Variants in PNPLA7 observed in about 807,000 individuals in gnomAD.
The protein encoded by PNPLA7 is patatin like domain 7, lysophospholipase.
A neutral mutation model predicts 161.7 loss-of-function variants in PNPLA7; 153 were observed. That is an observed-to-expected ratio of 0.95 (90% confidence interval 0.83 to 1.08). The LOEUF (loss-of-function observed/expected upper bound fraction) is 1.08. PNPLA7 is among the 50% of genes least tolerant of loss of function. The probability of loss-of-function intolerance (pLI) is 0.00; values close to 1 mark genes in which losing one functional copy is unlikely to be tolerated. For missense variants in PNPLA7, 1,739 were observed against 1,856.6 expected, an observed-to-expected ratio of 0.94 and a Z score of 1.16; for synonymous variants, 809 against 782.1, an observed-to-expected ratio of 1.03 and a Z score of -0.57.
At chr9:137,521,026 G>A (rs913637885) in intron 10 of PNPLA7, among the ~76,000 whole-genome samples, 1 of 150,994 alleles carries the variant, frequency 6.6e-6, no homozygotes. Flanking sequence ...CCCATGGGAC[G>A]GGCATGGGGA....
chr9:137,515,586 C>CGGGGCCACGCAGGGAGCA, intron 11 of PNPLA7, 67 bp from the exon 12 acceptor site: 1 of 1,455,700 alleles, frequency 6.9e-7, no homozygotes, highest in East Asian at 2.5e-5. Context: ...GCAGCCCATT[C>CGGGGCCACGCAGGGAGCA]GGGGCCACGC....
chr9:137,478,139 T>C lies in PNPLA7; in HGVS notation c.2777A>G (p.Lys926Arg), dbSNP rs866488974. ...GTCCGGGGGCCGCTGGAAGACATGC[T>C]TGTACATCTCCACCTGGGGGAGGAG... Reference protein sequence around the residue: ...RSLPKLVEMYKHVFQRPPDRH... With the variant: ...RSLPKLVEMYRHVFQRPPDRH... The change falls in exon 25 of 35, where the codon AAG becomes AGG. Residue 926 changes from lysine (K) to arginine (R), a missense_variant. Coordinates refer to ENST00000406427, the MANE Select transcript of PNPLA7 (RefSeq NM_001098537.3). The C allele has an allele frequency of 3.0e-6, 4 of 1,331,018 alleles. No individual in the cohort carries two copies. The African/African-American group carries it at 4.6e-5, about 15-fold the overall frequency. 82.5% of individuals were successfully genotyped at this position (1,331,018 alleles called of 1,614,324 possible).
rs892218639 is a variant in PNPLA7, at chr9:137,479,869, G to A, written c.2580+443C>T. 5 of 985,336 alleles carry A rather than the reference G, an allele frequency of 5.1e-6. No homozygotes were observed. In the African/African-American group the frequency reaches 8.7e-5, roughly 17 times the overall value. 61.0% of individuals were successfully genotyped at this position (985,336 alleles called of 1,614,324 possible). A position where few individuals can be genotyped will look rare whatever the true frequency, so the allele number is the denominator to read the frequency against. On this transcript the variant is annotated intron_variant, in intron 23 of 34. Coordinates refer to ENST00000406427, the MANE Select transcript of PNPLA7 (RefSeq NM_001098537.3). ...TGCCTGCAGAAGGCTGTTCCTGTTG[G>A]CTGAGGATGCAGAGGCAGAGGGTAA...
Position 137,478,075 on chromosome 9 carries a change from C to T in PNPLA7, c.2841G>A (p.Thr947=), listed in dbSNP as rs972766064. 5.7e-6 allele frequency: 8 copies of T among 1,406,768 alleles called. No individual in the cohort carries two copies. The African/African-American group carries it at 6.0e-5, about 11-fold the overall frequency. The allele number at this position is 1,406,768 out of a possible 1,614,324, so 87.1% of individuals were successfully genotyped here. The change falls in exon 25 of 35, where the codon ACG becomes ACA. Residue 947 remains threonine (T), a synonymous_variant. Coordinates refer to ENST00000406427, the MANE Select transcript of PNPLA7 (RefSeq NM_001098537.3). ...CAAGCACCAGGGCAATGGCGTTGCC[C>T]GTCAGCACCCTCGCCAGGCGGGAGA... is the stretch of plus-strand genomic sequence containing the variant. ...SDFSRLARVL[T]GNAIALVLGG... is the part of the protein sequence containing the mutation.
intron 9 of PNPLA7, among the ~76,000 whole-genome samples, chr9:137,522,457 T>C (rs1336004481): frequency 6.6e-6 from 1 of 152,220 alleles, no homozygotes; most frequent in East Asian, 1.9e-4. Context: ...CCCACAGTGC[T>C]GGGGTTACAG....
At chr9:137,492,066 C>A in intron 20 of PNPLA7, 2 of 985,390 alleles carry the variant, frequency 2.0e-6, no homozygotes, top group Non-Finnish European at 2.4e-6. Context: ...GGGTCAAATG[C>A]TGTCCAGCAG....
intron 16 of PNPLA7, among the ~76,000 whole-genome samples, chr9:137,498,449 C>T (rs1002566633): frequency 6.6e-6 from 1 of 152,246 alleles, no homozygotes; most frequent in South Asian, 2.1e-4. Flanking sequence ...GCCCAGTGGC[C>T]AGCAGCTGTT....
chr9:137,506,429 C>T (rs1313147744), intron 12 of PNPLA7, among the ~76,000 whole-genome samples: 2 of 152,246 alleles, frequency 1.3e-5, no homozygotes, highest in Non-Finnish European at 2.9e-5. Flanking sequence ...CACACCCTGA[C>T]GGCTCGCTGC....
intron 32 of PNPLA7, 125 bp downstream of exon 32, chr9:137,461,806 T>C: frequency 1.6e-6 from 2 of 1,232,036 alleles, no homozygotes; most frequent in Non-Finnish European, 2.2e-6. Flanking sequence ...CTGGAGTCTT[T>C]GGCCAGGGGG....
intron 12 of PNPLA7, 111 bp downstream of exon 12, chr9:137,515,268 G>A: frequency 7.1e-7 from 1 of 1,410,700 alleles, no homozygotes; most frequent in Non-Finnish European, 9.5e-7. Context: ...GGGCTCTAGT[G>A]GAGGGTGCCC....
intron 14 of PNPLA7, among the ~76,000 whole-genome samples, chr9:137,502,125 G>A (rs758942975): frequency 2.6e-5 from 4 of 152,178 alleles, no homozygotes; most frequent in Non-Finnish European, 5.9e-5. Context: ...TCCAGGGCAC[G>A]AGGACTCTGG....
intron 7 of PNPLA7, among the ~76,000 whole-genome samples, chr9:137,542,263 A>C (rs567162391): frequency 1.6e-4 from 24 of 152,240 alleles, no homozygotes; most frequent in African/African-American, 5.1e-4. Context: ...GAGCACAGGA[A>C]TTGCTGATGA....
intron 12 of PNPLA7, chr9:137,508,682 TAC>T (rs1834046295): frequency 6.6e-6 from 1 of 152,168 alleles, no homozygotes; most frequent in African/African-American, 2.4e-5. Context: ...CGTTAAATCT[TAC>T]AGACAGATTT....
chr9:137,477,093 C>T (rs1465470361), intron 25 of PNPLA7, among the ~76,000 whole-genome samples: 3 of 152,224 alleles, frequency 2.0e-5, no homozygotes, highest in Non-Finnish European at 2.9e-5. Context: ...GGCCTGGACC[C>T]CCGCCCAGGC....
intron 12 of PNPLA7, among the ~76,000 whole-genome samples, chr9:137,510,585 G>A (rs929327118): frequency 8.5e-5 from 13 of 152,216 alleles, no homozygotes; most frequent in Non-Finnish European, 1.8e-4. Context: ...CTTCTGCCTT[G>A]TATCCAATAA....
At chr9:137,504,016 G>GA (rs1833753251) in intron 14 of PNPLA7, among the ~76,000 whole-genome samples, 1 of 102,530 alleles carries the variant, frequency 9.8e-6, no homozygotes, top group African/African-American at 3.9e-5. Flanking sequence ...GAAGAAGGAA[G>GA]AAGAAGAAGG....
rs1025366829 is a variant in PNPLA7 at position 137,484,492 on chromosome 9, C to T, written c.2347+95G>A. 2.5e-5 allele frequency: 34 copies of T among 1,361,422 alleles called. No homozygotes were observed. In the African/African-American group the frequency reaches 4.4e-4, roughly 18 times the overall value. 84.3% of individuals were successfully genotyped at this position (1,361,422 alleles called of 1,614,324 possible). ...CCCCAACTGAGCCCTGCCCACCCAC[C>T]GCCGCGTCCCCTCGAAGACAGAGGG... On this transcript the variant is annotated intron_variant, in intron 21 of 34. Transcript: ENST00000406427.
chr9:137,504,043 AAAG>A (rs1198693398), intron 14 of PNPLA7, among the ~76,000 whole-genome samples: 57 of 135,418 alleles, frequency 4.2e-4, no homozygotes, highest in African/African-American at 1.4e-3. Context: ...AAGGAAGAAG[AAAG>A]AAGAAGGAAG....
chr9:137,479,525 A>C, intron 23 of PNPLA7: 1 of 1,152,670 alleles, frequency 8.7e-7, no homozygotes, highest in Non-Finnish European at 1.1e-6. Flanking sequence ...CAACCTTTCC[A>C]AATGAGGTAT....
Sources: allele counts gnomAD v4.1 joint callset (sites outside exome capture counted in the v4.1 genomes callset), GRCh38; gene constraint gnomAD v4.1.1; transcripts MANE v1.5; gene names NCBI Gene and HGNC (gene_info 2026-07-23, HGNC 2026-07-21).